The following PLA2R1 variants were observed in gnomAD, a reference collection of about 807,000 sequenced individuals.
The protein encoded by PLA2R1 is secretory phospholipase A2 receptor.
Under a neutral mutation model 195.9 loss-of-function variants are expected in PLA2R1, and 158 were observed. The ratio of observed to expected loss-of-function variants is 0.81; its 90% CI spans 0.71 to 0.92. The LOEUF is 0.92. PLA2R1 is among the 40% of genes least tolerant of loss of function. The pLI is 0.00. For synonymous variants in PLA2R1, 586 were observed against 598.2 expected (o/e 0.98, Z 0.30); for missense variants, 1,626 against 1,764.6 (o/e 0.92, Z 1.41).
At chr2:160,004,442 C>A (rs2105389714) in intron 11 of PLA2R1, among the ~76,000 whole-genome samples, 1 of 152,216 alleles carries the variant, frequency 6.6e-6, no homozygotes, top group Non-Finnish European at 1.5e-5. Flanking sequence ...GCTTGTGTGG[C>A]CACTTTTATA....
chr2:160,060,748 T>C (rs747041851), intron 1 of PLA2R1, among the ~76,000 whole-genome samples: 1 of 152,202 alleles, frequency 6.6e-6, no homozygotes, highest in Non-Finnish European at 1.5e-5. Context: ...ACTCGGAGGA[T>C]CACCAGCACA....
chr2:160,058,640 C>T (rs1027038060), intron 1 of PLA2R1, among the ~76,000 whole-genome samples: 10 of 152,200 alleles, frequency 6.6e-5, no homozygotes, highest in African/African-American at 2.4e-4. Flanking sequence ...TTTCTCCCCG[C>T]TGTCCACTTT....
At chr2:159,962,469 A>G (rs1394512361) in intron 20 of PLA2R1, among the ~76,000 whole-genome samples, 2 of 152,234 alleles carry the variant, frequency 1.3e-5, no homozygotes, top group African/African-American at 4.8e-5. Flanking sequence ...TGTGGAACAC[A>G]GTGTGGTGAT....
rs1686985223 is a variant in PLA2R1 at position 159,939,336 on chromosome 2, T to A, written c.*2442A>T. On this transcript the variant is annotated 3_prime_UTR_variant, in exon 30 of 30. Coordinates refer to ENST00000283243, the MANE Select transcript of PLA2R1 (RefSeq NM_007366.5). ...TCCTGGACAACATGGTGAAACCCTGTCTCTACTAAAAATACAAAAATTAGC... is the reference window on the plus strand; with the variant it reads ...TCCTGGACAACATGGTGAAACCCTGACTCTACTAAAAATACAAAAATTAGC... 1 of 151,606 alleles carries A rather than the reference T, an allele frequency of 6.6e-6. No individual in the cohort carries two copies. Among genetic ancestry groups the A allele is most frequent in the South Asian group, 2.1e-4 (1 of 4,808 alleles). The allele number at this position is 151,606 out of a possible 1,614,324, so 9.4% of individuals were successfully genotyped here.
chr2:159,949,850 C>T, intron 24 of PLA2R1, 74 bp from the exon 25 acceptor site: 1 of 1,183,932 alleles, frequency 8.4e-7, no homozygotes, highest in Non-Finnish European at 1.2e-6. Flanking sequence ...TCTGAGCATG[C>T]TACAATTCCC....
At chr2:160,022,081 T>A (rs1367769224) in intron 7 of PLA2R1, among the ~76,000 whole-genome samples, 1 of 152,172 alleles carries the variant, frequency 6.6e-6, no homozygotes, top group African/African-American at 2.4e-5. Context: ...TTTGTATTTT[T>A]AAAAAACTGA....
At chr2:160,014,285 T>C (rs2105438733) in intron 9 of PLA2R1, among the ~76,000 whole-genome samples, 1 of 151,470 alleles carries the variant, frequency 6.6e-6, no homozygotes, top group African/African-American at 2.4e-5. Context: ...GCTGGCCTTT[T>C]GGAGGGGAAG....
At chr2:160,029,039 A>G in intron 4 of PLA2R1, 76 bp from the exon 5 acceptor site, 1 of 796,488 alleles carries the variant, frequency 1.3e-6, no homozygotes, top group Non-Finnish European at 2.2e-6. Flanking sequence ...TTCCTGGATC[A>G]TGGAGTCAGA....
intron 1 of PLA2R1, among the ~76,000 whole-genome samples, chr2:160,055,110 T>C (rs1695452272): frequency 6.6e-6 from 1 of 152,160 alleles, no homozygotes; most frequent in African/African-American, 2.4e-5. Context: ...CATCAGTTAC[T>C]GTGACAACCA....
At chr2:159,983,450 ACT>A (rs1690104440) in intron 13 of PLA2R1, among the ~76,000 whole-genome samples, 1 of 135,016 alleles carries the variant, frequency 7.4e-6, no homozygotes, top group Non-Finnish European at 1.5e-5. Context: ...AATTACTGGG[ACT>A]CTTTTTTTTT....
At position 159,932,135 on chromosome 2, in the gene PLA2R1, G is replaced by A. The variant is rs931996875; in HGVS notation, c.*9643C>T. On this transcript the variant is annotated 3_prime_UTR_variant, in exon 30 of 30. Coordinates refer to ENST00000283243, the MANE Select transcript of PLA2R1 (RefSeq NM_007366.5). ...TTTCTCCCTTCACTTCACTTGGGAC[G>A]TTTAGTATAAGTTGCAGTAGCAATC... is the stretch of plus-strand genomic sequence containing the variant. 3 of 152,174 alleles carry A rather than the reference G, an allele frequency of 2.0e-5. No homozygotes were observed. The highest frequency in any genetic ancestry group is 4.1e-4 in the South Asian group (2 of 4,822). 9.4% of individuals were successfully genotyped at this position (152,174 alleles called of 1,614,324 possible). A position where few individuals can be genotyped will look rare whatever the true frequency, so the allele number is the denominator to read the frequency against.
intron 10 of PLA2R1, among the ~76,000 whole-genome samples, chr2:160,012,165 T>C (rs933627985): frequency 2.0e-5 from 3 of 152,222 alleles, no homozygotes; most frequent in African/African-American, 7.2e-5. Context: ...GTAAAACCAG[T>C]TGTCCTATTT....
chr2:159,983,251 T>C (rs1436799265), intron 13 of PLA2R1, among the ~76,000 whole-genome samples: 1 of 152,170 alleles, frequency 6.6e-6, no homozygotes, highest in Non-Finnish European at 1.5e-5. Flanking sequence ...GAAGGAATTA[T>C]GCAGACAGCA....
intron 27 of PLA2R1, 27 bp from the exon 28 acceptor site, chr2:159,945,109 G>C: frequency 6.5e-7 from 1 of 1,549,400 alleles, no homozygotes; most frequent in South Asian, 1.2e-5. Context: ...GACTCATTAT[G>C]AATTATGTGC....
Position 160,062,433 on chromosome 2 carries a change from T to C in PLA2R1, c.-30A>G, listed in dbSNP as rs1213133360. 3.8e-5 allele frequency: 58 copies of C among 1,520,754 alleles called. No individual in the cohort carries two copies. The highest frequency in any genetic ancestry group is 4.9e-5 in the Non-Finnish European group (56 of 1,135,192). 94.2% of individuals were successfully genotyped at this position (1,520,754 alleles called of 1,614,324 possible). A position where few individuals can be genotyped will look rare whatever the true frequency, so the allele number is the denominator to read the frequency against. On this transcript the variant is annotated 5_prime_UTR_variant, in exon 1 of 30. Transcript: ENST00000283243. ...AACCACTGGGCTCTCCGGGAGCCCC[T>C]TGTCCCGGGAGCCCCTTATCCCGGG...
At chr2:160,048,070 C>A (rs1345459632) in intron 1 of PLA2R1, among the ~76,000 whole-genome samples, 1 of 152,052 alleles carries the variant, frequency 6.6e-6, no homozygotes, top group South Asian at 2.1e-4. Flanking sequence ...TGGGCTCAAG[C>A]AATCCTCCCA....
intron 3 of PLA2R1, 129 bp from the exon 4 acceptor site, chr2:160,033,261 G>T: frequency 1.6e-6 from 1 of 613,710 alleles, no homozygotes; most frequent in Admixed American, 3.6e-5. Flanking sequence ...ATCTATTCTT[G>T]ATTAGGTCTT....
At chr2:160,044,101 G>A (rs17341294) in intron 2 of PLA2R1, among the ~76,000 whole-genome samples, 14,050 of 152,094 alleles carry the variant, frequency 0.092, 929 homozygotes, top group East Asian at 0.25. Context: ...CAAACAAAAC[G>A]CTGAGGGACA....
At chr2:160,059,044 C>G (rs1695768610) in intron 1 of PLA2R1, among the ~76,000 whole-genome samples, 1 of 152,132 alleles carries the variant, frequency 6.6e-6, no homozygotes, top group African/African-American at 2.4e-5. Context: ...GATCATCAGG[C>G]ATTAGATTAT....
Sources: allele counts gnomAD v4.1 joint callset (sites outside exome capture counted in the v4.1 genomes callset), GRCh38; gene constraint gnomAD v4.1.1; transcripts MANE v1.5; gene names NCBI Gene and HGNC (gene_info 2026-07-23, HGNC 2026-07-21).